C8orf34: variants seen among roughly 807,000 people sequenced by gnomAD.
C8orf34 encodes chromosome 8 open reading frame 34.
Under a neutral mutation model 68.3 loss-of-function variants are expected in C8orf34, and 65 were observed. The observed-to-expected ratio is 0.95, with a 90% CI of 0.78 to 1.17. The LOEUF (loss-of-function observed/expected upper bound fraction) is 1.17, where lower values mean the gene tolerates loss of function less well. C8orf34 is among the 50% of genes most tolerant of loss of function. The probability of loss-of-function intolerance (pLI) is 0.00; values close to 1 mark genes in which losing one functional copy is unlikely to be tolerated. For missense variants in C8orf34, 664 were observed against 655.4 expected, an observed-to-expected ratio of 1.01 and a Z score of -0.14; for synonymous variants, 244 against 241.2, an observed-to-expected ratio of 1.01 and a Z score of -0.11.
chr8:68,555,431 C>T (rs1466897676), intron 7 of C8orf34, among the ~76,000 whole-genome samples: 3 of 152,064 alleles, frequency 2.0e-5, no homozygotes, highest in Non-Finnish European at 2.9e-5. Flanking sequence ...GAGATTCATG[C>T]ATTCTACTTA....
At chr8:68,653,312 G>A (rs912381716) in intron 8 of C8orf34, among the ~76,000 whole-genome samples, 1 of 152,134 alleles carries the variant, frequency 6.6e-6, no homozygotes, top group Non-Finnish European at 1.5e-5. Flanking sequence ...TCGTTTCAGA[G>A]TTTATAGAGT....
At chr8:68,808,832 C>A (rs1223540778) in intron 12 of C8orf34, among the ~76,000 whole-genome samples, 5 of 152,044 alleles carry the variant, frequency 3.3e-5, no homozygotes, top group African/African-American at 1.2e-4. Flanking sequence ...GGACTTCAGT[C>A]TTTTGCTTAT....
intron 1 of C8orf34, among the ~76,000 whole-genome samples, chr8:68,397,435 T>C (rs1808763243): frequency 1.3e-5 from 2 of 152,278 alleles, no homozygotes; most frequent in South Asian, 2.1e-4. Flanking sequence ...AATCATAAAC[T>C]AATAAATTAA....
intron 1 of C8orf34, among the ~76,000 whole-genome samples, chr8:68,391,508 G>A (rs1808477240): frequency 6.6e-6 from 1 of 152,066 alleles, no homozygotes; most frequent in African/African-American, 2.4e-5. Flanking sequence ...AACCATGAAT[G>A]GTCCAAGATA....
chr8:68,618,209 T>C (rs1450100935), intron 7 of C8orf34, among the ~76,000 whole-genome samples: 3 of 152,184 alleles, frequency 2.0e-5, no homozygotes, highest in Non-Finnish European at 1.5e-5. Flanking sequence ...TGATAAAAGT[T>C]ATGCCACTGA....
At chr8:68,722,503 G>T in intron 10 of C8orf34, among the ~76,000 whole-genome samples, 1 of 152,132 alleles carries the variant, frequency 6.6e-6, no homozygotes, top group Middle Eastern at 3.4e-3. Flanking sequence ...GTTTTCCAAT[G>T]AACTTCATAA....
At chr8:68,434,039 A>C (rs1810555508) in intron 1 of C8orf34, among the ~76,000 whole-genome samples, 1 of 152,122 alleles carries the variant, frequency 6.6e-6, no homozygotes, top group Non-Finnish European at 1.5e-5. Flanking sequence ...CATAATATAC[A>C]TTTTCACTCA....
At chr8:68,433,217 CAG>C (rs1563434518) in intron 1 of C8orf34, among the ~76,000 whole-genome samples, 1 of 152,102 alleles carries the variant, frequency 6.6e-6, no homozygotes, top group Non-Finnish European at 1.5e-5. Context: ...AAAATTGAAA[CAG>C]ATGCAGATTT....
intron 8 of C8orf34, among the ~76,000 whole-genome samples, chr8:68,684,789 A>AC (rs1001469630): frequency 6.6e-6 from 1 of 151,854 alleles, no homozygotes; most frequent in African/African-American, 2.4e-5. Context: ...GCTTATTAAA[A>AC]AAAAAATATT....
chr8:68,699,585 T>C (rs1820930470), intron 8 of C8orf34, among the ~76,000 whole-genome samples: 1 of 152,058 alleles, frequency 6.6e-6, no homozygotes, highest in Non-Finnish European at 1.5e-5. Flanking sequence ...GCCTGGAAAA[T>C]CTGGTTTTGT....
At chr8:68,697,440 T>G (rs926098901) in intron 8 of C8orf34, among the ~76,000 whole-genome samples, 1 of 152,128 alleles carries the variant, frequency 6.6e-6, no homozygotes, top group African/African-American at 2.4e-5. Context: ...ATTGAATTTT[T>G]TTCCCCTCAT....
At chr8:68,664,710 A>G (rs1819785744) in intron 8 of C8orf34, among the ~76,000 whole-genome samples, 1 of 152,136 alleles carries the variant, frequency 6.6e-6, no homozygotes, top group African/African-American at 2.4e-5. Context: ...CCCCTTCCTT[A>G]GTGTGCCCTA....
chr8:68,651,370 A>T (rs1819352535), intron 8 of C8orf34, among the ~76,000 whole-genome samples: 1 of 152,184 alleles, frequency 6.6e-6, no homozygotes, highest in Non-Finnish European at 1.5e-5. Flanking sequence ...AGACCTGAGG[A>T]TATATTTTCA....
At chr8:68,765,420 C>T (rs1397859107) in intron 10 of C8orf34, among the ~76,000 whole-genome samples, 1 of 152,154 alleles carries the variant, frequency 6.6e-6, no homozygotes, top group African/African-American at 2.4e-5. Flanking sequence ...ACCCATTAAG[C>T]AAAAGAAATA....
intron 8 of C8orf34, among the ~76,000 whole-genome samples, chr8:68,666,257 G>T (rs1819837181): frequency 1.3e-5 from 2 of 152,070 alleles, no homozygotes; most frequent in South Asian, 4.1e-4. Flanking sequence ...ATGGGGAGGA[G>T]GCCAAGAAAG....
chr8:68,427,609 A>G (rs191934721), intron 1 of C8orf34, among the ~76,000 whole-genome samples: 2 of 152,192 alleles, frequency 1.3e-5, no homozygotes, highest in Non-Finnish European at 2.9e-5. Flanking sequence ...AGTACAATTA[A>G]TCATCTTGAC....
At chr8:68,557,939 CA>C (rs1816302287) in intron 7 of C8orf34, among the ~76,000 whole-genome samples, 1 of 152,158 alleles carries the variant, frequency 6.6e-6, no homozygotes, top group Non-Finnish European at 1.5e-5. Flanking sequence ...AGAATTAGAA[CA>C]GATGTGAGTT....
chr8:68,625,672 C>T (rs1252645506), intron 7 of C8orf34: 1 of 699,820 alleles, frequency 1.4e-6, no homozygotes, highest in Admixed American at 2.0e-5. Context: ...CATGTGCCTG[C>T]TCCTCCCTGT....
intron 8 of C8orf34, among the ~76,000 whole-genome samples, chr8:68,708,056 A>T (rs1224291292): frequency 1.3e-5 from 2 of 152,200 alleles, no homozygotes; most frequent in Non-Finnish European, 2.9e-5. Context: ...AAAGTACAAA[A>T]CCACACAAAG....
Sources: gnomAD v4.1 joint callset for allele counts (sites outside exome capture counted in the v4.1 genomes callset) on GRCh38, gnomAD v4.1.1 for gene constraint, MANE v1.5 for transcripts, NCBI Gene and HGNC (gene_info 2026-07-23, HGNC 2026-07-21) for gene names.